Variants in KIDINS220 observed in about 807,000 individuals in gnomAD.
The protein encoded by KIDINS220 is kinase D interacting substrate 220.
Under a neutral mutation model 157.6 loss-of-function variants are expected in KIDINS220, and 63 were observed. That is an observed-to-expected ratio of 0.40 (90% CI 0.33 to 0.49). The LOEUF (loss-of-function observed/expected upper bound fraction) is 0.49. Among genes scored for constraint, KIDINS220 ranks in the 20% least tolerant of loss-of-function variants. The pLI is 0.66. For synonymous variants in KIDINS220, 732 were observed against 783.6 expected (o/e 0.93, Z 1.10); for missense variants, 1,772 against 2,171.2 (o/e 0.82, Z 3.65).
chr2:8,733,599 G>C lies in KIDINS220; in HGVS notation c.3898C>G (p.Pro1300Ala), dbSNP rs762038049. The C allele has an allele frequency of 2.5e-6, 4 of 1,613,928 alleles. No homozygotes were observed. Among genetic ancestry groups the C allele is most frequent in the East Asian group, 4.5e-5 (2 of 44,878 alleles). Residue 1300 changes from proline to alanine, a missense_variant, in exon 29 of 30, where the codon CCG becomes GCG. Pro to Ala is a conservative substitution (Grantham distance 27). This residue lies in a region of KIDINS220 where 793 missense variants were observed against 885.5 expected (regional missense o/e 0.90). Coordinates refer to ENST00000256707, the MANE Select transcript of KIDINS220 (RefSeq NM_020738.4). ...FLSESSSGPAPHGEPARRASH... is the reference protein window; with the variant it reads ...FLSESSSGPAAHGEPARRASH... ...GCGCGGCGAGCAGGCTCACCGTGCGGGGCTGGGCCACTGCTGCTCTCACTG... is the reference window on the plus strand; with the variant it reads ...GCGCGGCGAGCAGGCTCACCGTGCGCGGCTGGGCCACTGCTGCTCTCACTG...
At chr2:8,802,586 G>C (rs1674871704) in intron 8 of KIDINS220, among the ~76,000 whole-genome samples, 1 of 152,188 alleles carries the variant, frequency 6.6e-6, no homozygotes, top group African/African-American at 2.4e-5. Flanking sequence ...AGTTTAAGAG[G>C]CCAATTAGAC....
At position 8,816,203 on chromosome 2, in the gene KIDINS220, T is replaced by G. The variant is rs145917410; in HGVS notation, c.306+1415A>C. On this transcript the variant is annotated intron_variant, in intron 4 of 29. Coordinates refer to ENST00000256707, the MANE Select transcript of KIDINS220 (RefSeq NM_020738.4). ...CCAAAAAAGTTTAAGAAATCAGTTT[T>G]TACAAATCTTAATACATTTTTACAC... Among the ~76,000 whole-genome samples the G allele has an allele frequency of 5.4e-4, 82 of 152,362 alleles. 1 individual carries two copies. The highest frequency in any genetic ancestry group is 1.9e-3 in the African/African-American group (78 of 41,594).
chr2:8,805,448 TA>T (rs1281256610), intron 7 of KIDINS220, among the ~76,000 whole-genome samples: 1 of 152,118 alleles, frequency 6.6e-6, no homozygotes, highest in Non-Finnish European at 1.5e-5. Context: ...TTTCCAAAAA[TA>T]ACCTCATTAA....
intron 12 of KIDINS220, among the ~76,000 whole-genome samples, chr2:8,793,434 T>G (rs1340502961): frequency 6.6e-6 from 1 of 152,138 alleles, no homozygotes; most frequent in South Asian, 2.1e-4. Context: ...AATTTGAGGT[T>G]GCAGTGAGCT....
chr2:8,782,128 T>C (rs1487078520), intron 17 of KIDINS220, among the ~76,000 whole-genome samples: 1 of 150,484 alleles, frequency 6.6e-6, no homozygotes, highest in Non-Finnish European at 1.5e-5. Flanking sequence ...AATAAATAAA[T>C]AAAAATAAAA....
At chr2:8,783,815 TA>T (rs771397127) in intron 17 of KIDINS220, among the ~76,000 whole-genome samples, 3 of 152,122 alleles carry the variant, frequency 2.0e-5, no homozygotes, top group Non-Finnish European at 4.4e-5. Context: ...AAGGAAGAAC[TA>T]AATAAATGAG....
In KIDINS220 at chr2:8,746,970, C is replaced by T. The variant is rs565389620; in HGVS notation, c.3585+175G>A. 17 of 541,042 alleles carry T rather than the reference C, an allele frequency of 3.1e-5. 1 individual carries two copies. The highest frequency in any genetic ancestry group is 9.5e-5 in the African/African-American group (5 of 52,472). 33.5% of individuals were successfully genotyped at this position (541,042 alleles called of 1,614,324 possible). On this transcript the variant is annotated intron_variant, in intron 26 of 29. Transcript: ENST00000256707. ...GAAATAATGGGTGAAGTTAAACATC[C>T]GCTTTTTAATTAATTCAGGAACCAT... is the stretch of plus-strand genomic sequence containing the variant.
downstream of KIDINS220, among the ~76,000 whole-genome samples, chr2:8,728,655 T>C (rs1430581668): frequency 6.6e-6 from 1 of 152,246 alleles, no homozygotes; most frequent in Non-Finnish European, 1.5e-5. Flanking sequence ...CTTTTCTATC[T>C]ACAGGAACGC....
chr2:8,739,477 A>G (rs1330265730), intron 26 of KIDINS220, among the ~76,000 whole-genome samples: 2 of 152,182 alleles, frequency 1.3e-5, no homozygotes, highest in Non-Finnish European at 2.9e-5. Flanking sequence ...ATAATCATAC[A>G]TAAGAAAATT....
intron 2 of KIDINS220, among the ~76,000 whole-genome samples, chr2:8,823,371 CA>C (rs1678276182): frequency 7.1e-6 from 1 of 140,410 alleles, no homozygotes; most frequent in African/African-American, 2.7e-5. Flanking sequence ...GGAAAAAATA[CA>C]AACAACTTTT....
chr2:8,747,268 T>G, intron 25 of KIDINS220, 67 bp from the exon 26 acceptor site: 1 of 1,320,398 alleles, frequency 7.6e-7, no homozygotes, highest in East Asian at 2.3e-5. Flanking sequence ...TGAAGACAAA[T>G]GAACATGATG....
chr2:8,785,964 C>T lies in KIDINS220; in HGVS notation c.2006G>A (p.Cys669Tyr). ...SFVIFLFIIG[C>Y]IISGITLLAI... Reference sequence around the variant, plus strand: ...CAGAAGAGTAATTCCAGATATAATGCAGCCAATGATAAAAAGGAAGATGAC... The same window carrying T: ...CAGAAGAGTAATTCCAGATATAATGTAGCCAATGATAAAAAGGAAGATGAC... Residue 669 changes from cysteine (C) to tyrosine (Y), a missense_variant, in exon 17 of 30, where the codon TGC becomes TAC. Coordinates refer to ENST00000256707, the MANE Select transcript of KIDINS220 (RefSeq NM_020738.4). The T allele has an allele frequency of 1.2e-6, 2 of 1,613,122 alleles. No homozygotes were observed. Among genetic ancestry groups the T allele is most frequent in the Non-Finnish European group, 1.7e-6 (2 of 1,179,690 alleles).
At chr2:8,767,656 A>G (rs1237960894) in intron 22 of KIDINS220, among the ~76,000 whole-genome samples, 1 of 152,210 alleles carries the variant, frequency 6.6e-6, no homozygotes, top group Admixed American at 6.5e-5. Context: ...TGGAGAGAGC[A>G]AGCAGGTTAG....
rs1172571720 is a variant in KIDINS220, at chr2:8,793,787, T to C, written c.1276+23A>G. 5.1e-6 allele frequency: 8 copies of C among 1,557,582 alleles called. No individual in the cohort carries two copies. The South Asian group carries it at 9.6e-5, about 19-fold the overall frequency. On this transcript the variant is annotated intron_variant, in intron 12 of 29. Coordinates refer to ENST00000256707, the MANE Select transcript of KIDINS220 (RefSeq NM_020738.4). Reference sequence around the variant, plus strand: ...AACATTGATTATTTAAAAGCTCAGTTAGGAGCAAAACTCAATACTTACTGG... The same window carrying C: ...AACATTGATTATTTAAAAGCTCAGTCAGGAGCAAAACTCAATACTTACTGG...
intron 1 of KIDINS220, among the ~76,000 whole-genome samples, chr2:8,830,001 C>T (rs1037653077): frequency 6.6e-6 from 1 of 151,970 alleles, no homozygotes; most frequent in Admixed American, 6.6e-5. Context: ...CTCCACACTC[C>T]CGCCTATGCT....
chr2:8,732,893 TCA>T (rs1224287139), intron 29 of KIDINS220, among the ~76,000 whole-genome samples: 1 of 152,126 alleles, frequency 6.6e-6, no homozygotes, highest in Admixed American at 6.5e-5. Context: ...CCTGCATCTC[TCA>T]CTTTGCTCTG....
At chr2:8,781,140 A>ATT (rs1334633397) in intron 17 of KIDINS220, among the ~76,000 whole-genome samples, 101 of 1,552 alleles carry the variant, frequency 0.065, no homozygotes, top group Admixed American at 0.24. Flanking sequence ...TATATTAATT[A>ATT]TTATATATAT....
chr2:8,809,251 C>T (rs1397759005), intron 6 of KIDINS220, among the ~76,000 whole-genome samples: 1 of 152,066 alleles, frequency 6.6e-6, no homozygotes, highest in African/African-American at 2.4e-5. Context: ...GAACTCCTGA[C>T]CTCAGGTGAT....
intron 26 of KIDINS220, among the ~76,000 whole-genome samples, chr2:8,744,768 T>A (rs1339735153): frequency 1.3e-5 from 2 of 152,068 alleles, no homozygotes; most frequent in Admixed American, 6.6e-5. Context: ...AGCTTTCAAT[T>A]TGGCATTGAA....
Sources: allele counts gnomAD v4.1 joint callset (sites outside exome capture counted in the v4.1 genomes callset), GRCh38; gene constraint gnomAD v4.1.1; regional missense constraint gnomAD v4.1.1; transcripts MANE v1.5; gene names NCBI Gene and HGNC (gene_info 2026-07-23, HGNC 2026-07-21).